IVD: variants seen among roughly 807,000 people sequenced by gnomAD.
IVD encodes the protein isovaleryl-CoA dehydrogenase, mitochondrial.
IVD carries 31 observed loss-of-function variants against 51.3 expected under a neutral mutation model. The ratio of observed to expected loss-of-function variants is 0.60; its 90% CI spans 0.45 to 0.81. IVD has a LOEUF of 0.81. Ranked by LOEUF, IVD falls within the 40% of genes least tolerant of loss-of-function variation. The pLI is 0.00. For missense variants in IVD, 475 were observed against 552.0 expected (o/e 0.86, Z 1.40); for synonymous variants, 205 against 219.4 (o/e 0.93, Z 0.58).
In IVD at chr15:40,420,752, C is replaced by G. The variant is rs1472401732; in HGVS notation, c.*2489C>G. 1 of 985,594 alleles carries G rather than the reference C, an allele frequency of 1.0e-6. No individual in the cohort carries two copies. The highest frequency in any genetic ancestry group is 1.2e-6 in the Non-Finnish European group (1 of 830,122). The allele number at this position is 985,594 out of a possible 1,614,324, so 61.1% of individuals were successfully genotyped here. A position where few individuals can be genotyped will look rare whatever the true frequency, so the allele number is the denominator to read the frequency against. On this transcript the variant is annotated 3_prime_UTR_variant, in exon 12 of 12. Coordinates refer to ENST00000487418, the MANE Select transcript of IVD (RefSeq NM_002225.5). ...CAACACAATTTGACTTTCTCAAGGT[C>G]AAAACGAACTAGAATCCAGATCTGC...
At chr15:40,409,368 C>A (rs1254778443) in intron 3 of IVD, among the ~76,000 whole-genome samples, 1 of 151,558 alleles carries the variant, frequency 6.6e-6, no homozygotes, top group Admixed American at 6.6e-5. Context: ...ACCATTGCAC[C>A]CCAGCCTGGA....
intron 1 of IVD, chr15:40,406,385 AC>A (rs1167769633): frequency 1.5e-5 from 19 of 1,268,756 alleles, no homozygotes; most frequent in Non-Finnish European, 1.9e-5. Flanking sequence ...CATCGTAATC[AC>A]CAGGGAGTCT....
At chr15:40,423,506 T>G (rs1384928224), downstream of IVD, among the ~76,000 whole-genome samples, 1 of 152,220 alleles carries the variant, frequency 6.6e-6, no homozygotes, top group Non-Finnish European at 1.5e-5. Flanking sequence ...CTCTCGCCCA[T>G]GCTGGAGTAC....
intron 6 of IVD, chr15:40,412,522 C>T (rs1481926865): frequency 4.7e-6 from 1 of 211,850 alleles, no homozygotes; most frequent in African/African-American, 2.3e-5. Context: ...CAGCATGTGC[C>T]AGCACTTTGC....
intron 7 of IVD, among the ~76,000 whole-genome samples, chr15:40,431,651 C>T (rs891562896): frequency 5.3e-5 from 8 of 151,554 alleles, no homozygotes; most frequent in Non-Finnish European, 1.0e-4. Flanking sequence ...GCTGAGATCA[C>T]GCCACTGCAC....
At chr15:40,411,170 G>A (rs1566935675) in intron 4 of IVD, 90 bp from the exon 5 acceptor site, 1 of 1,279,860 alleles carries the variant, frequency 7.8e-7, no homozygotes, top group African/African-American at 1.5e-5. Flanking sequence ...GTTTGAAGGG[G>A]TTTAATGTGG....
chr15:40,419,734 G>A lies in IVD; in HGVS notation c.*1471G>A, dbSNP rs4923865. 89,830 of 154,564 alleles carry A rather than the reference G, an allele frequency of 0.58. 28,421 individuals carry two copies. Among genetic ancestry groups the A allele is most frequent in the East Asian group, 0.8 (4,193 of 5,210 alleles). 9.6% of individuals were successfully genotyped at this position (154,564 alleles called of 1,614,324 possible). ...CTGAGGCAGAGAATTGCTTGAACCC[G>A]GGAGGCAGAGTTTGCAGTGAGCCAA... On this transcript the variant is annotated 3_prime_UTR_variant, in exon 12 of 12. Transcript: ENST00000487418.
intron 4 of IVD, 60 bp from the exon 5 acceptor site, chr15:40,411,200 G>T (rs1000563988): frequency 2.0e-6 from 3 of 1,498,446 alleles, no homozygotes; most frequent in East Asian, 2.3e-5. Flanking sequence ...GGCAGTACCA[G>T]TGAGCTGCTC....
At chr15:40,409,767 G>A (rs73383135) in intron 3 of IVD, among the ~76,000 whole-genome samples, 21,058 of 151,512 alleles carry the variant, frequency 0.14, 1,596 homozygotes, top group African/African-American at 0.17. Flanking sequence ...GCCCTCTGCT[G>A]TACAGCTCAC....
chr15:40,424,265 C>T (rs528623527), downstream of IVD: 5 of 1,088,714 alleles, frequency 4.6e-6, no homozygotes, highest in African/African-American at 6.5e-5. Flanking sequence ...TCCCCCTGGG[C>T]CTTCCCCTTC....
chr15:40,406,357 T>C (rs1193792698), intron 1 of IVD: 9 of 1,321,108 alleles, frequency 6.8e-6, no homozygotes, highest in Non-Finnish European at 8.9e-6. Flanking sequence ...TGAGGTATGC[T>C]TCTCACACCT....
chr15:40,418,696 G>A lies in IVD; in HGVS notation c.*433G>A. ...AAGGAGATCTCTCTGCTCAAGCACA[G>A]CAGAATCATGGCCCCTCTCCATGAA... is the stretch of plus-strand genomic sequence containing the variant. On this transcript the variant is annotated 3_prime_UTR_variant, in exon 12 of 12. Coordinates refer to ENST00000487418, the MANE Select transcript of IVD (RefSeq NM_002225.5). The A allele has an allele frequency of 8.9e-7, 1 of 1,124,294 alleles. No individual in the cohort carries two copies. The allele number at this position is 1,124,294 out of a possible 1,614,324, so 69.6% of individuals were successfully genotyped here.
At chr15:40,411,810 G>GT in intron 6 of IVD, 119 bp downstream of exon 6, 1 of 1,240,046 alleles carries the variant, frequency 8.1e-7, no homozygotes, top group Non-Finnish European at 1.2e-6. Flanking sequence ...GCCCCCAGAG[G>GT]TGGGGGTGAG....
intron 11 of IVD, among the ~76,000 whole-genome samples, chr15:40,417,380 C>T (rs7172000): frequency 0.12 from 17,223 of 148,430 alleles, 1,089 homozygotes; most frequent in Non-Finnish European, 0.13. Context: ...CAGTGGTGCG[C>T]GCCTGTAATC....
downstream of IVD, chr15:40,423,994 T>G (rs1892520240): frequency 5.9e-6 from 2 of 339,470 alleles, no homozygotes; most frequent in Non-Finnish European, 1.1e-5. Context: ...TGTGCGCCAC[T>G]TGGTTACTCT....
Position 40,418,261 on chromosome 15 carries a change from T to G in IVD, c.1270T>G (p.Ter424GluextTer2), listed in dbSNP as rs1891931533. The G allele has an allele frequency of 6.2e-7, 1 of 1,613,962 alleles. No homozygotes were observed. Among genetic ancestry groups the G allele is most frequent in the South Asian group, 1.1e-5 (1 of 91,084 alleles). ...IGRAFNADFH* is the reference protein window; with the variant it reads ...IGRAFNADFHE ...CAGAGCCTTCAATGCAGACTTTCAC[T>G]AGTCCTGAGACCCTTCGCCCCCTTT... The change falls in exon 12 of 12, where the codon TAG (stop) becomes GAG (glutamate). Residue 424 changes from the stop codon to glutamate, a stop_lost. Coordinates refer to ENST00000487418, the MANE Select transcript of IVD (RefSeq NM_002225.5).
At chr15:40,422,441 GC>G (rs1301573093), downstream of IVD, among the ~76,000 whole-genome samples, 1 of 151,642 alleles carries the variant, frequency 6.6e-6, no homozygotes, top group Non-Finnish European at 1.5e-5. Flanking sequence ...CCGCCACCAT[GC>G]CCGGCTAATT....
chr15:40,434,195 A>G (rs1322841475), intron 8 of IVD, among the ~76,000 whole-genome samples: 6 of 152,258 alleles, frequency 3.9e-5, no homozygotes, highest in Admixed American at 3.9e-4. Context: ...CGCCAGGGGT[A>G]GCAAATCTTC....
At chr15:40,411,795 G>T (rs963040504) in intron 6 of IVD, 104 bp downstream of exon 6, 58 of 1,394,160 alleles carry the variant, frequency 4.2e-5, no homozygotes, top group Admixed American at 1.5e-4. Context: ...TGTGTGCTCT[G>T]CAAGGCCCCC....
Sources: allele counts gnomAD v4.1 joint callset (sites outside exome capture counted in the v4.1 genomes callset), GRCh38; gene constraint gnomAD v4.1.1; transcripts MANE v1.5; gene names NCBI Gene and HGNC (gene_info 2026-07-23, HGNC 2026-07-21).